DNAH17: variants seen among roughly 807,000 people sequenced by gnomAD.
The protein encoded by DNAH17 is axonemal beta dynein heavy chain 17.
Under a neutral mutation model 485.6 loss-of-function variants are expected in DNAH17, and 376 were observed. The ratio of observed to expected loss-of-function variants is 0.77; its 90% CI spans 0.71 to 0.84. The LOEUF (loss-of-function observed/expected upper bound fraction) is 0.84. Among genes scored for constraint, DNAH17 ranks in the 40% least tolerant of loss-of-function variants. The pLI, the probability that DNAH17 is intolerant of heterozygous loss-of-function variation, is 0.00. For synonymous variants in DNAH17, 3,031 were observed against 2,405.9 expected, an observed-to-expected ratio of 1.26 and a Z score of -7.60; for missense variants, 6,370 against 5,839.3, an observed-to-expected ratio of 1.09 and a Z score of -2.96.
chr17:78,458,829 C>T lies in DNAH17; in HGVS notation c.9862-149G>A, dbSNP rs2087938839. The stretch of plus-strand genomic sequence containing the variant: ...CCCTCTGGAGCATGGAGGCTAAGGA[C>T]ACCAAGCGGCTCCCGGCACCATCTG... On this transcript the variant is annotated intron_variant, in intron 61 of 80. Coordinates refer to ENST00000389840, the MANE Select transcript of DNAH17 (RefSeq NM_173628.4). 8 of 1,008,490 alleles carry T rather than the reference C, an allele frequency of 7.9e-6. No homozygotes were observed. In the Admixed American group the frequency reaches 1.2e-4, roughly 16 times the overall value. 62.5% of individuals were successfully genotyped at this position (1,008,490 alleles called of 1,614,324 possible).
At chr17:78,455,257 A>C (rs902366036) in intron 63 of DNAH17, among the ~76,000 whole-genome samples, 1 of 151,536 alleles carries the variant, frequency 6.6e-6, no homozygotes, top group Non-Finnish European at 1.5e-5. Context: ...TCATCACGGA[A>C]GTCAAGGTGC....
chr17:78,485,315 C>T (rs930021420), intron 47 of DNAH17, among the ~76,000 whole-genome samples: 1 of 119,010 alleles, frequency 8.4e-6, no homozygotes, highest in Non-Finnish European at 2.0e-5. Flanking sequence ...CCTGCTGCCT[C>T]GACTGGCCAT....
intron 26 of DNAH17, among the ~76,000 whole-genome samples, chr17:78,512,176 G>A (rs904251351): frequency 6.6e-6 from 1 of 152,218 alleles, no homozygotes; most frequent in South Asian, 2.1e-4. Flanking sequence ...TCCTGCATAG[G>A]TACGGATCTC....
At chr17:78,460,300 A>G (rs1294088298) in intron 58 of DNAH17, 43 bp from the exon 59 acceptor site, 1 of 1,527,510 alleles carries the variant, frequency 6.5e-7, no homozygotes, top group Admixed American at 2.0e-5. Flanking sequence ...AGGCCTGTCC[A>G]TGTGCCTGTG....
chr17:78,470,328 A>T (rs889552719), intron 54 of DNAH17, among the ~76,000 whole-genome samples: 1 of 149,782 alleles, frequency 6.7e-6, no homozygotes, highest in South Asian at 2.2e-4. Flanking sequence ...TCGGCCTCCC[A>T]AAGTGCTGGG....
chr17:78,478,142 T>C (rs1306921695), intron 51 of DNAH17, among the ~76,000 whole-genome samples: 3 of 142,098 alleles, frequency 2.1e-5, no homozygotes, highest in African/African-American at 7.9e-5. Context: ...CATCATCACA[T>C]CACCATCATC....
At position 78,574,728 on chromosome 17, in the gene DNAH17, G is replaced by C. The variant is rs770116365; in HGVS notation, c.330C>G (p.Ile110Met). The change falls in exon 2 of 81, where the codon ATC (isoleucine) becomes ATG (methionine). Residue 110 changes from isoleucine (I) to methionine (M), a missense_variant. Physicochemically the swap from Ile to Met is conservative, Grantham distance 10 (BLOSUM62 1). Coordinates refer to ENST00000389840, the MANE Select transcript of DNAH17 (RefSeq NM_173628.4). ...ACGCACTCACCTCCTCCACCACCGC[G>C]ATCAGCTGGTCCACGGGTGTGGGGC... Reference protein sequence around the residue: ...DISPTPVDQLIAVVEEVLSSL... With the variant: ...DISPTPVDQLMAVVEEVLSSL... The C allele has an allele frequency of 6.2e-7, 1 of 1,606,178 alleles. No individual in the cohort carries two copies. The highest frequency in any genetic ancestry group is 1.1e-5 in the South Asian group (1 of 90,448).
intron 58 of DNAH17, 75 bp downstream of exon 58, chr17:78,461,469 A>C: frequency 2.9e-6 from 4 of 1,397,010 alleles, no homozygotes; most frequent in African/African-American, 1.5e-5. Flanking sequence ...GTGGCACCTG[A>C]CCACACGTGG....
chr17:78,507,290 G>T lies in DNAH17; in HGVS notation c.4664C>A (p.Ala1555Asp), dbSNP rs374679701. ...GTGTGAGCCGCACCTCTTCTTCAGG[G>T]CCTCCAGTTTATTGTAGAGGCCGGG... is the stretch of plus-strand genomic sequence containing the variant. The part of the protein sequence containing the change: ...SKPGLYNKLE[A>D]LKKSLAICEK... The change falls in exon 29 of 81, where the codon GCC (alanine) becomes GAC (aspartate). Residue 1555 changes from alanine to aspartate, a missense_variant. Transcript: ENST00000389840. 8 of 1,613,862 alleles carry T rather than the reference G, an allele frequency of 5.0e-6. No individual in the cohort carries two copies. In the African/African-American group the frequency reaches 1.1e-4, roughly 22 times the overall value.
At chr17:78,536,394 C>G (rs1279186676) in intron 19 of DNAH17, among the ~76,000 whole-genome samples, 5 of 151,952 alleles carry the variant, frequency 3.3e-5, no homozygotes, top group Admixed American at 2.0e-4. Context: ...AGGTTGCAGT[C>G]AGCTGAGATT....
In DNAH17 at chr17:78,458,631, G is replaced by T; in HGVS notation, c.9911C>A (p.Thr3304Lys). 1 of 1,614,032 alleles carries T rather than the reference G, an allele frequency of 6.2e-7. No individual in the cohort carries two copies. Among genetic ancestry groups the T allele is most frequent in the Non-Finnish European group, 8.5e-7 (1 of 1,179,900 alleles). The change falls in exon 62 of 81, where the codon ACA becomes AAA. Residue 3304 changes from threonine to lysine, a missense_variant. Physicochemically the swap from Thr to Lys is moderately conservative, Grantham distance 78. Coordinates refer to ENST00000389840, the MANE Select transcript of DNAH17 (RefSeq NM_173628.4). Reference sequence around the variant, plus strand: ...TTGCTGACACTTGATTTTCTCAGCTGTTGCTTTTTCAAACGCTGAGGTTAG... The same window carrying T: ...TTGCTGACACTTGATTTTCTCAGCTTTTGCTTTTTCAAACGCTGAGGTTAG... ...SNLTSAFEKA[T>K]AEKIKCQQEA... is the part of the protein sequence containing the mutation.
At chr17:78,448,414 C>T (rs533932680) in intron 69 of DNAH17, among the ~76,000 whole-genome samples, 1 of 152,230 alleles carries the variant, frequency 6.6e-6, no homozygotes, top group Non-Finnish European at 1.5e-5. Context: ...GTAGTCCCAG[C>T]TACTGAGGCG....
chr17:78,465,993 G>A lies in DNAH17; in HGVS notation c.8940+662C>T, dbSNP rs555807948. 7.9e-3 allele frequency among the ~76,000 whole-genome samples: 1,209 copies of A among 152,260 alleles called. 6 individuals carry two copies. The highest frequency in any genetic ancestry group is 0.017 in the Middle Eastern group (5 of 294). ...GGCGGCTTTGTGGAATGGAGAGGCG[G>A]GAGGGGTGGGGAAGGGATTGAGAAA... On this transcript the variant is annotated intron_variant, in intron 56 of 80. Transcript: ENST00000389840.
At position 78,466,737 on chromosome 17, in the gene DNAH17, G is replaced by A; in HGVS notation, c.8858C>T (p.Ala2953Val). The change falls in exon 56 of 81, where the codon GCC becomes GTC. Residue 2953 changes from alanine to valine, a missense_variant. Physicochemically the swap from Ala to Val is moderately conservative, Grantham distance 64. Coordinates refer to ENST00000389840, the MANE Select transcript of DNAH17 (RefSeq NM_173628.4). ...RKFPAVVNCT[A>V]IDWFHEWPED... is the part of the protein sequence containing the mutation. ...CGGCCACTCGTGGAACCAGTCGATG[G>A]CCGTGCAGTTGACCACAGCTGGGAA... The A allele has an allele frequency of 1.2e-6, 2 of 1,612,990 alleles. No homozygotes were observed. The highest frequency in any genetic ancestry group is 1.7e-6 in the Non-Finnish European group (2 of 1,179,610).
intron 16 of DNAH17, among the ~76,000 whole-genome samples, chr17:78,547,922 A>T (rs1417817012): frequency 6.6e-6 from 1 of 151,978 alleles, no homozygotes; most frequent in East Asian, 1.9e-4. Flanking sequence ...CCAGCCTATT[A>T]CTTCTTTAGT....
At chr17:78,451,276 G>A (rs975642629) in intron 66 of DNAH17, among the ~76,000 whole-genome samples, 193 bp downstream of exon 66, 7 of 152,238 alleles carry the variant, frequency 4.6e-5, no homozygotes, top group Middle Eastern at 3.2e-3. Flanking sequence ...AGGAAGAGGG[G>A]ACAGCTGGGG....
At chr17:78,552,297 T>G (rs1333185116) in intron 15 of DNAH17, among the ~76,000 whole-genome samples, 1 of 152,192 alleles carries the variant, frequency 6.6e-6, no homozygotes, top group Non-Finnish European at 1.5e-5. Flanking sequence ...AGACAGGGAC[T>G]CGTGACTACA....
At chr17:78,520,198 A>C (rs945323191) in intron 25 of DNAH17, among the ~76,000 whole-genome samples, 6 of 152,218 alleles carry the variant, frequency 3.9e-5, no homozygotes, top group African/African-American at 1.4e-4. Context: ...ATTTGACAAG[A>C]TCTAACACCT....
Position 78,450,391 on chromosome 17 carries a change from C to T in DNAH17, c.10903G>A (p.Val3635Met), listed in dbSNP as rs760089602. 5 of 1,613,756 alleles carry T rather than the reference C, an allele frequency of 3.1e-6. No individual in the cohort carries two copies. Among genetic ancestry groups the T allele is most frequent in the Non-Finnish European group, 4.2e-6 (5 of 1,179,866 alleles). Residue 3635 changes from valine (V) to methionine (M), a missense_variant, in exon 68 of 81, where the codon GTG becomes ATG. By Grantham distance (21) the Val-to-Met change is conservative. Coordinates refer to ENST00000389840, the MANE Select transcript of DNAH17 (RefSeq NM_173628.4). ...TTAACTTCTGTGATTTTTGCCTCCA[C>T]CACCTCGACACAAACAAAAGGGGTG... The part of the protein sequence containing the change: ...HTASEIEEKV[V>M]EAKITEVKIN...
Sources: gnomAD v4.1 joint callset for allele counts (sites outside exome capture counted in the v4.1 genomes callset) on GRCh38, gnomAD v4.1.1 for gene constraint, MANE v1.5 for transcripts, NCBI Gene and HGNC (gene_info 2026-07-23, HGNC 2026-07-21) for gene names.